MZT2B: variants seen among roughly 807,000 people sequenced by gnomAD.
MZT2B encodes the protein mitotic spindle organizing protein 2B.
A neutral mutation model predicts 12.1 loss-of-function variants in MZT2B; 11 were observed. The ratio of observed to expected loss-of-function variants is 0.91; its 90% CI spans 0.57 to 1.50. MZT2B has a LOEUF of 1.50. Among genes scored for constraint, MZT2B ranks in the 40% most tolerant of loss-of-function variants. The probability of loss-of-function intolerance (pLI) is 0.00; values close to 1 mark genes in which losing one functional copy is unlikely to be tolerated. For synonymous variants in MZT2B, 85 were observed against 109.5 expected (o/e 0.78, Z 1.40); for missense variants, 209 against 227.7 (o/e 0.92, Z 0.53).
intron 2 of MZT2B, among the ~76,000 whole-genome samples, chr2:130,188,479 AT>A (rs1487615273): frequency 6.6e-6 from 1 of 152,060 alleles, no homozygotes; most frequent in African/African-American, 2.4e-5. Flanking sequence ...CGTGGTGGCT[AT>A]TGTCTGCTTT....
At chr2:130,182,510 C>T in intron 1 of MZT2B, 58 bp downstream of exon 1, 1 of 1,540,932 alleles carries the variant, frequency 6.5e-7, no homozygotes, top group Non-Finnish European at 8.8e-7. Flanking sequence ...CTCTGCTTTC[C>T]GGGTACGCCC....
intron 2 of MZT2B, chr2:130,182,988 C>T (rs1395310311): frequency 5.8e-6 from 5 of 868,896 alleles, no homozygotes; most frequent in East Asian, 2.8e-5. Context: ...GAGTGCGTAC[C>T]CCAGGGTGGT....
At chr2:130,201,075 G>T in the MZT2B span, among the ~76,000 whole-genome samples, 2 of 152,208 alleles carry the variant, frequency 1.3e-5, no homozygotes, top group African/African-American at 2.4e-5. Flanking sequence ...AAGAGAGAGG[G>T]AGCTCCCCCA....
intron 2 of MZT2B, among the ~76,000 whole-genome samples, chr2:130,188,955 A>G (rs1485102926): frequency 6.6e-6 from 1 of 152,012 alleles, no homozygotes; most frequent in African/African-American, 2.4e-5. Context: ...ACTACACTTG[A>G]TAAGAGGCCA....
chr2:130,183,653 C>T (rs1240392099), intron 2 of MZT2B: 4 of 1,443,196 alleles, frequency 2.8e-6, no homozygotes, highest in South Asian at 2.5e-5. Flanking sequence ...GGAGAGCAGG[C>T]TGCCTTCATG....
intron 2 of MZT2B, chr2:130,183,428 C>T (rs1365277644): frequency 2.5e-6 from 1 of 399,604 alleles, no homozygotes; most frequent in African/African-American, 2.0e-5. Flanking sequence ...AGGGCCTCCT[C>T]CCTCTCCAGT....
upstream of MZT2B, chr2:130,181,703 C>A (rs77887649): frequency 6.7e-5 from 104 of 1,548,328 alleles, 1 homozygote; most frequent in African/African-American, 1.0e-3. Context: ...GAAGGCCGGC[C>A]GGGCGGGGAA....
At chr2:130,203,378 C>T in the MZT2B span, among the ~76,000 whole-genome samples, 1 of 152,156 alleles carries the variant, frequency 6.6e-6, no homozygotes, top group Admixed American at 6.5e-5. Flanking sequence ...ATGTGGGAGC[C>T]GCCCTGCCAG....
chr2:130,202,659 G>A, the MZT2B span, among the ~76,000 whole-genome samples: 2 of 152,156 alleles, frequency 1.3e-5, no homozygotes, highest in Non-Finnish European at 2.9e-5. Flanking sequence ...CTTGCCATGG[G>A]TGCCTTTCAG....
chr2:130,183,989 T>G lies in MZT2B; in HGVS notation c.319+1214T>G, dbSNP rs746471211. The G allele has an allele frequency of 1.1e-4, 172 of 1,550,298 alleles. 2 individuals are homozygous for G. The highest frequency in any genetic ancestry group is 3.7e-4 in the Admixed American group (19 of 50,986). ...CAGGTTGCGTTTATTGGCTTATCTC[T>G]GGGGGTTGGTGCTCTCCCTTGTTTC... is the stretch of plus-strand genomic sequence containing the variant. On this transcript the variant is annotated intron_variant, in intron 2 of 2. Coordinates refer to ENST00000281871, the MANE Select transcript of MZT2B (RefSeq NM_025029.5).
intron 2 of MZT2B, among the ~76,000 whole-genome samples, chr2:130,185,564 G>T (rs778862385): frequency 0.033 from 3,838 of 116,084 alleles, 559 homozygotes; most frequent in African/African-American, 0.1. Flanking sequence ...TTACACAGGG[G>T]GGTAACAAGG....
chr2:130,198,587 G>C, the MZT2B span: 69 of 495,602 alleles, frequency 1.4e-4, 19 homozygotes, highest in South Asian at 7.2e-4. Flanking sequence ...CTGATTGGAT[G>C]CAGGATTGGC....
the MZT2B span, among the ~76,000 whole-genome samples, chr2:130,197,754 G>A: frequency 1.7e-4 from 21 of 122,744 alleles, 6 homozygotes; most frequent in Non-Finnish European, 3.4e-4. Flanking sequence ...CCACAGACTC[G>A]CATCACCATG....
At chr2:130,185,647 G>C (rs141946349) in intron 2 of MZT2B, among the ~76,000 whole-genome samples, 2,376 of 108,076 alleles carry the variant, frequency 0.022, 233 homozygotes, top group African/African-American at 0.069. Context: ...GGGTGAGGCA[G>C]AGCGCTGTCC....
intron 2 of MZT2B, among the ~76,000 whole-genome samples, chr2:130,186,677 G>A (rs1054101234): frequency 3.9e-5 from 6 of 152,218 alleles, no homozygotes; most frequent in African/African-American, 1.4e-4. Flanking sequence ...GGAGTCCACA[G>A]CTACTGGATC....
intron 2 of MZT2B, among the ~76,000 whole-genome samples, chr2:130,187,563 G>T (rs115961947): frequency 1.3e-5 from 2 of 152,152 alleles, no homozygotes; most frequent in East Asian, 1.9e-4. Context: ...GGGACCAGGC[G>T]TAGGGGCATC....
upstream of MZT2B, chr2:130,181,744 G>A (rs1456294986): frequency 1.4e-5 from 22 of 1,548,404 alleles, no homozygotes; most frequent in Non-Finnish European, 7.0e-6. Context: ...TGCGGGGGAG[G>A]GAGTGGTCCT....
At chr2:130,204,582 T>C in the MZT2B span, among the ~76,000 whole-genome samples, 1 of 151,960 alleles carries the variant, frequency 6.6e-6, no homozygotes, top group African/African-American at 2.4e-5. Flanking sequence ...TCCTAGCTAC[T>C]TGGGAGGCTG....
downstream of MZT2B, chr2:130,194,319 G>A: frequency 6.2e-7 from 1 of 1,612,892 alleles, no homozygotes; most frequent in East Asian, 2.2e-5. Context: ...GAGACCTGGG[G>A]GGCTGGGTAA....
Sources: gnomAD v4.1 joint callset for allele counts (sites outside exome capture counted in the v4.1 genomes callset) on GRCh38, gnomAD v4.1.1 for gene constraint, MANE v1.5 for transcripts, NCBI Gene and HGNC (gene_info 2026-07-23, HGNC 2026-07-21) for gene names.